The following LENG8 variants were observed in gnomAD, a reference collection of about 807,000 sequenced individuals.
LENG8 encodes the protein leukocyte receptor cluster member 8, also known as leukocyte receptor cluster (LRC) member 8.
LENG8 carries 28 observed loss-of-function variants against 102.1 expected under a neutral mutation model. That is an observed-to-expected ratio of 0.27 (90% CI 0.20 to 0.38). The LOEUF (loss-of-function observed/expected upper bound fraction) is 0.38. Ranked by LOEUF, LENG8 falls within the 10% of genes least tolerant of loss-of-function variation. The pLI is 1.00. For missense variants in LENG8, 1,022 were observed against 1,113.9 expected (o/e 0.92, Z 1.17); for synonymous variants, 531 against 456.7 (o/e 1.16, Z -2.07).
chr19:54,458,939 C>T (rs1450038214), intron 15 of LENG8: 3 of 1,514,406 alleles, frequency 2.0e-6, no homozygotes, highest in East Asian at 4.9e-5. Flanking sequence ...TCTACCAGGA[C>T]AAGGCCCAGT....
chr19:54,456,105 G>A lies in LENG8; in HGVS notation c.1164G>A (p.Gly388=). 6.2e-7 allele frequency: 1 copy of A among 1,609,910 alleles called. No homozygotes were observed. The highest frequency in any genetic ancestry group is 1.1e-5 in the South Asian group (1 of 90,796). ...CCCAGCGAGGGACGCCCGGGGCTGG[G>A]GGTGCCGGTCGAGCCCGGGGCAACA... The part of the protein sequence containing the change: ...APSQRGTPGA[G]GAGRARGNSF... The change falls in exon 9 of 16, where the codon GGG becomes GGA. Residue 388 remains glycine (G), a synonymous_variant. Transcript: ENST00000326764.
At chr19:54,452,441 C>T (rs928497031) in intron 3 of LENG8, among the ~76,000 whole-genome samples, 174 bp downstream of exon 3, 4 of 152,180 alleles carry the variant, frequency 2.6e-5, no homozygotes, top group Non-Finnish European at 4.4e-5. Context: ...GAAATTAGGG[C>T]GTGATGTGGT....
At position 54,461,039 on chromosome 19, in the gene LENG8, C is replaced by CTCCA; in HGVS notation, c.*112_*115dup. On this transcript the variant is annotated 3_prime_UTR_variant, in exon 16 of 16. Transcript: ENST00000326764. ...TGTAAATTTATTTGTGGGGAGTGCG[C>CTCCA]TCCAGGAAGAGCCACCATCCCTGCC... 9 of 1,463,380 alleles carry CTCCA rather than the reference C, an allele frequency of 6.2e-6. No homozygotes were observed. The highest frequency in any genetic ancestry group is 7.4e-6 in the Non-Finnish European group (8 of 1,087,038). The allele number at this position is 1,463,380 out of a possible 1,614,324, so 90.6% of individuals were successfully genotyped here. A position where few individuals can be genotyped will look rare whatever the true frequency, so the allele number is the denominator to read the frequency against.
chr19:54,452,722 T>C lies in LENG8; in HGVS notation c.285T>C (p.Tyr95=), dbSNP rs2084017534. The C allele has an allele frequency of 1.2e-6, 2 of 1,613,676 alleles. No individual in the cohort carries two copies. Among genetic ancestry groups the C allele is most frequent in the Admixed American group, 1.7e-5 (1 of 59,992 alleles). The change falls in exon 4 of 16, where the codon TAT becomes TAC. Residue 95 remains tyrosine, a synonymous_variant. Transcript: ENST00000326764. ...ACCAGTGGTACCAGCAGTACAACTA[T>C]GCCTACCCCTACAGCTACTACTATC... ...QYYQWYQQYN[Y]AYPYSYYYPM...
Position 54,454,988 on chromosome 19 carries a change from G to C in LENG8, c.717G>C (p.Gln239His), listed in dbSNP as rs970091702. The C allele has an allele frequency of 3.1e-6, 5 of 1,614,082 alleles. No individual in the cohort carries two copies. The African/African-American group carries it at 6.7e-5, about 22-fold the overall frequency. Residue 239 changes from glutamine to histidine, a missense_variant, in exon 7 of 16, where the codon CAG becomes CAC. Gln to His is a conservative substitution (Grantham distance 24, BLOSUM62 0). Around this residue, in one of 7 missense-constraint regions of LENG8, gnomAD observed 343 missense variants for 320.2 expected, o/e 1.07. Transcript: ENST00000326764. ...PGTGGLKFNI[Q>H]KRPFAVTTQS... Reference sequence around the variant, plus strand: ...CTGGAGGTCTCAAGTTCAACATCCAGAAGCGACCCTTTGCTGTTACCACCC... The same window carrying C: ...CTGGAGGTCTCAAGTTCAACATCCACAAGCGACCCTTTGCTGTTACCACCC...
At chr19:54,458,863 TGAG>T (rs1280082994) in intron 15 of LENG8, 14 of 1,550,194 alleles carry the variant, frequency 9.0e-6, no homozygotes, top group African/African-American at 5.5e-5. Flanking sequence ...CTCAGAACCC[TGAG>T]GTCTCTGCTT....
At chr19:54,460,496 G>C in intron 15 of LENG8, 1 of 1,357,354 alleles carries the variant, frequency 7.4e-7, no homozygotes, top group Non-Finnish European at 9.5e-7. Flanking sequence ...GGAGGAGCCC[G>C]CTGGGCCCTT....
rs945309505 is a variant in LENG8, at chr19:54,461,540, C to G, written c.*612C>G. ...CCGCCGCCACACCGCACTGAGGACA[C>G]GCCGGCCGGGCCGCCTCGTCTCAAG... On this transcript the variant is annotated 3_prime_UTR_variant, in exon 16 of 16. Transcript: ENST00000326764. 4.2e-6 allele frequency: 2 copies of G among 471,510 alleles called. No homozygotes were observed. The highest frequency in any genetic ancestry group is 8.8e-6 in the Non-Finnish European group (2 of 227,416). 29.2% of individuals were successfully genotyped at this position (471,510 alleles called of 1,614,324 possible). A position where few individuals can be genotyped will look rare whatever the true frequency, so the allele number is the denominator to read the frequency against.
intron 3 of LENG8, 122 bp downstream of exon 3, chr19:54,452,389 G>C (rs918498138): frequency 1.1e-6 from 1 of 913,418 alleles, no homozygotes; most frequent in African/African-American, 1.7e-5. Context: ...AGACGTTCCA[G>C]GGTATCTAAA....
chr19:54,451,231 C>A (rs1331767388), intron 1 of LENG8, 59 bp from the exon 2 acceptor site: 2 of 1,124,058 alleles, frequency 1.8e-6, no homozygotes, highest in Middle Eastern at 2.0e-4. Context: ...TTCTTCCCCA[C>A]TTTGTGACGT....
Position 54,461,906 on chromosome 19 carries a change from C to T in LENG8, c.*978C>T, listed in dbSNP as rs2084589037. On this transcript the variant is annotated 3_prime_UTR_variant, in exon 16 of 16. Transcript: ENST00000326764. ...TTTTTTCCAGATGTTCCTCCTCTGC[C>T]TCCCCTTCCCCTCCTCTCCCCTCCT... The T allele has an allele frequency of 1.2e-5, 10 of 847,736 alleles. No individual in the cohort carries two copies. Among genetic ancestry groups the T allele is most frequent in the African/African-American group, 1.7e-5 (1 of 60,078 alleles). The allele number at this position is 847,736 out of a possible 1,614,324, so 52.5% of individuals were successfully genotyped here. A position where few individuals can be genotyped will look rare whatever the true frequency, so the allele number is the denominator to read the frequency against.
intron 15 of LENG8, 90 bp from the exon 16 acceptor site, chr19:54,460,676 G>T: frequency 6.9e-7 from 1 of 1,452,816 alleles, no homozygotes; most frequent in Non-Finnish European, 9.1e-7. Context: ...AATCCTGTGG[G>T]CACCCGAATG....
At position 54,456,679 on chromosome 19, in the gene LENG8, G is replaced by A. The variant is rs373598008; in HGVS notation, c.1489G>A (p.Ala497Thr). The A allele has an allele frequency of 6.2e-6, 10 of 1,613,204 alleles. No homozygotes were observed. In the East Asian group the frequency reaches 8.9e-5, roughly 14 times the overall value. ...PTKRSRKKMA[A>T]LECEDPEREL... ...CAAGCGCAGTCGAAAGAAGATGGCG[G>A]CGCTGGAGTGTGAGGACCCGGAGCG... The change falls in exon 11 of 16, where the codon GCG becomes ACG. Residue 497 changes from alanine (A) to threonine (T), a missense_variant. Physicochemically the swap from Ala to Thr is moderately conservative, Grantham distance 58 (BLOSUM62 0). Transcript: ENST00000326764.
In LENG8 at chr19:54,452,274, A is replaced by G; in HGVS notation, c.213+7A>G. ...GCCTGTGGCCAGTGCACAGGTGAGAAGGCCTCATGGGGCTGGGGTACCCTG... is the reference window on the plus strand; with the variant it reads ...GCCTGTGGCCAGTGCACAGGTGAGAGGGCCTCATGGGGCTGGGGTACCCTG... On this transcript the variant is annotated splice_region_variant and intron_variant, in intron 3 of 15. Transcript: ENST00000326764. 3.1e-6 allele frequency: 5 copies of G among 1,601,336 alleles called. No individual in the cohort carries two copies. The highest frequency in any genetic ancestry group is 4.3e-6 in the Non-Finnish European group (5 of 1,171,142).
intron 11 of LENG8, 65 bp downstream of exon 11, chr19:54,456,986 C>T: frequency 6.7e-7 from 1 of 1,494,314 alleles, no homozygotes; most frequent in Non-Finnish European, 8.9e-7. Flanking sequence ...GGGGAGCCAA[C>T]CCAGGGAGGG....
At chr19:54,455,841 T>A in intron 8 of LENG8, 126 bp from the exon 9 acceptor site, 2 of 1,052,690 alleles carry the variant, frequency 1.9e-6, no homozygotes, top group Non-Finnish European at 2.7e-6. Context: ...TGCACTGTAG[T>A]AGCTGAGCCG....
At position 54,461,586 on chromosome 19, in the gene LENG8, G is replaced by C. The variant is rs1191587467; in HGVS notation, c.*658G>C. 2.1e-6 allele frequency: 1 copy of C among 472,632 alleles called. No individual in the cohort carries two copies. Among genetic ancestry groups the C allele is most frequent in the Non-Finnish European group, 4.4e-6 (1 of 228,056 alleles). The allele number at this position is 472,632 out of a possible 1,614,324, so 29.3% of individuals were successfully genotyped here. On this transcript the variant is annotated 3_prime_UTR_variant, in exon 16 of 16. Coordinates refer to ENST00000326764, the MANE Select transcript of LENG8 (RefSeq NM_052925.4). ...TCAAGTTGTATAAAGTTGTCTCCGTGTCCCCTCCTCCCTCTGCCCCCAGTG... is the reference window on the plus strand; with the variant it reads ...TCAAGTTGTATAAAGTTGTCTCCGTCTCCCCTCCTCCCTCTGCCCCCAGTG...
At chr19:54,450,483 C>T (rs1320478412) in intron 1 of LENG8, among the ~76,000 whole-genome samples, 1 of 152,148 alleles carries the variant, frequency 6.6e-6, no homozygotes, top group Non-Finnish European at 1.5e-5. Context: ...CCTCGATGCT[C>T]CCTGAAAGGC....
rs1359892473 is a variant in LENG8, at chr19:54,458,490, C to T, written c.2209C>T (p.Arg737Cys). The change falls in exon 15 of 16, where the codon CGC (arginine) becomes TGC (cysteine). Residue 737 changes from arginine to cysteine, a missense_variant. Physicochemically the swap from Arg to Cys is radical, Grantham distance 180. Around this residue, in one of 7 missense-constraint regions of LENG8, gnomAD observed 129 missense variants for 123.0 expected, o/e 1.05. Coordinates refer to ENST00000326764, the MANE Select transcript of LENG8 (RefSeq NM_052925.4). The part of the protein sequence containing the change: ...YLVDKFADRE[R>C]KVALKAMIKT... The stretch of plus-strand genomic sequence containing the variant: ...CGTGGACAAGTTTGCAGATCGGGAG[C>T]GCAAGGTCGCCCTCAAGGCCATGAT... The T allele has an allele frequency of 2.5e-6, 4 of 1,614,138 alleles. No individual in the cohort carries two copies. Among genetic ancestry groups the T allele is most frequent in the African/African-American group, 1.3e-5 (1 of 74,962 alleles).
Sources: allele counts gnomAD v4.1 joint callset (sites outside exome capture counted in the v4.1 genomes callset), GRCh38; gene constraint gnomAD v4.1.1; regional missense constraint gnomAD v4.1.1; transcripts MANE v1.5; gene names NCBI Gene and HGNC (gene_info 2026-07-23, HGNC 2026-07-21).